The following DGKG variants were observed in gnomAD, a reference collection of about 807,000 sequenced individuals.
DGKG encodes the protein diacylglycerol kinase gamma.
DGKG carries 78 observed loss-of-function variants against 105.3 expected under a neutral mutation model. The observed-to-expected ratio is 0.74, with a 90% CI of 0.62 to 0.89. The LOEUF (loss-of-function observed/expected upper bound fraction) is 0.89. Ranked by LOEUF, DGKG falls within the 40% of genes least tolerant of loss-of-function variation. DGKG has a pLI of 0.00. For synonymous variants in DGKG, 346 were observed against 367.1 expected (o/e 0.94, Z 0.66); for missense variants, 958 against 1,020.1 (o/e 0.94, Z 0.83).
intron 22 of DGKG, among the ~76,000 whole-genome samples, chr3:186,180,812 C>T (rs1441157194): frequency 6.6e-6 from 1 of 152,234 alleles, no homozygotes; most frequent in Non-Finnish European, 1.5e-5. Flanking sequence ...GGCTGAATGG[C>T]ATCCCATTCC....
intron 24 of DGKG, among the ~76,000 whole-genome samples, chr3:186,153,422 TAA>T (rs1310015755): frequency 6.6e-6 from 1 of 152,206 alleles, no homozygotes; most frequent in African/African-American, 2.4e-5. Flanking sequence ...GGCCATTAAC[TAA>T]AGTCTCCATG....
At chr3:186,215,342 C>T (rs975001891) in intron 20 of DGKG, among the ~76,000 whole-genome samples, 7 of 144,688 alleles carry the variant, frequency 4.8e-5, no homozygotes, top group African/African-American at 1.5e-4. Flanking sequence ...ACCCGGGAGG[C>T]GGAGGATGCA....
chr3:186,228,596 C>T (rs921055951), intron 20 of DGKG, among the ~76,000 whole-genome samples: 7 of 152,158 alleles, frequency 4.6e-5, no homozygotes, highest in African/African-American at 9.7e-5. Context: ...TCACTCCACC[C>T]GGGAACCTCC....
intron 22 of DGKG, among the ~76,000 whole-genome samples, chr3:186,184,209 AG>A: frequency 6.6e-6 from 1 of 152,194 alleles, no homozygotes; most frequent in South Asian, 2.1e-4. Flanking sequence ...TTATTATGCC[AG>A]TTTTACAGAT....
chr3:186,240,264 T>A (rs747154581), intron 20 of DGKG, among the ~76,000 whole-genome samples: 2 of 152,186 alleles, frequency 1.3e-5, no homozygotes, highest in African/African-American at 2.4e-5. Context: ...ACGTTTCGTG[T>A]CCTTGGTTTT....
chr3:186,334,743 C>T (rs897066642), intron 1 of DGKG, among the ~76,000 whole-genome samples: 2 of 151,974 alleles, frequency 1.3e-5, no homozygotes, highest in East Asian at 1.9e-4. Flanking sequence ...AACTGAAACA[C>T]GGAGGTTAAG....
At chr3:186,299,852 TG>T (rs1380344250) in intron 3 of DGKG, among the ~76,000 whole-genome samples, 55 of 131,668 alleles carry the variant, frequency 4.2e-4, no homozygotes, top group African/African-American at 9.3e-4. Context: ...TTTTTTTTTT[TG>T]AGATAGAGCC....
intron 14 of DGKG, among the ~76,000 whole-genome samples, chr3:186,262,574 A>T (rs1264064374): frequency 6.6e-6 from 1 of 152,182 alleles, no homozygotes; most frequent in African/African-American, 2.4e-5. Flanking sequence ...AAGACATCTC[A>T]TTATTAAAGG....
intron 20 of DGKG, among the ~76,000 whole-genome samples, chr3:186,235,933 T>C (rs1365063410): frequency 1.3e-5 from 2 of 152,226 alleles, no homozygotes; most frequent in East Asian, 3.9e-4. Context: ...GAATCTGTCC[T>C]GCCACTCTCC....
intron 17 of DGKG, among the ~76,000 whole-genome samples, chr3:186,255,115 C>T (rs1228663686): frequency 1.3e-5 from 2 of 152,228 alleles, no homozygotes; most frequent in African/African-American, 2.4e-5. Context: ...TCTCTTTGTA[C>T]TCTCTTGTAA....
chr3:186,357,929 C>T (rs182815938), intron 1 of DGKG, among the ~76,000 whole-genome samples: 113 of 152,218 alleles, frequency 7.4e-4, no homozygotes, highest in African/African-American at 2.5e-3. Flanking sequence ...CTGGTGTGAC[C>T]GAGGAACTGA....
chr3:186,329,417 T>C (rs1177772117), intron 1 of DGKG, among the ~76,000 whole-genome samples: 1 of 152,204 alleles, frequency 6.6e-6, no homozygotes, highest in Non-Finnish European at 1.5e-5. Flanking sequence ...TCAATGAGTA[T>C]TGAATTGCAC....
At chr3:186,216,932 G>A (rs1719320809) in intron 20 of DGKG, among the ~76,000 whole-genome samples, 1 of 152,134 alleles carries the variant, frequency 6.6e-6, no homozygotes, top group African/African-American at 2.4e-5. Context: ...CACTGGCTGG[G>A]CAAGTTATTT....
intron 20 of DGKG, among the ~76,000 whole-genome samples, chr3:186,239,263 T>G (rs1276394128): frequency 1.3e-5 from 2 of 152,188 alleles, no homozygotes; most frequent in East Asian, 3.9e-4. Flanking sequence ...ACCTCAAGAT[T>G]ATCCCTGAGA....
chr3:186,299,595 CT>C (rs1162090967), intron 3 of DGKG, among the ~76,000 whole-genome samples: 1 of 152,052 alleles, frequency 6.6e-6, no homozygotes, highest in Non-Finnish European at 1.5e-5. Flanking sequence ...CTCTCTGTTC[CT>C]TTTCTGTCCC....
intron 5 of DGKG, 73 bp from the exon 6 acceptor site, chr3:186,288,953 A>C: frequency 7.1e-7 from 1 of 1,418,272 alleles, no homozygotes; most frequent in South Asian, 1.4e-5. Flanking sequence ...TTGTTACCCC[A>C]TCCTTTTCAT....
Position 186,268,925 on chromosome 3 carries a change from A to G in DGKG, c.1000-8T>C. 6.2e-7 allele frequency: 1 copy of G among 1,601,594 alleles called. No homozygotes were observed. The highest frequency in any genetic ancestry group is 8.6e-7 in the Non-Finnish European group (1 of 1,169,122). The stretch of plus-strand genomic sequence containing the variant: ...CCATGCGTGCTGCATCACCTGCGGG[A>G]GGGAAGCGAACGATGCCAGGGAAAA... On this transcript the variant is annotated splice_region_variant and splice_polypyrimidine_tract_variant and intron_variant, in intron 11 of 24. Transcript: ENST00000265022.
chr3:186,324,661 A>G (rs761791918), intron 1 of DGKG, among the ~76,000 whole-genome samples: 6 of 152,212 alleles, frequency 3.9e-5, no homozygotes, highest in Non-Finnish European at 8.8e-5. Flanking sequence ...GTACATCAAA[A>G]CCATGACTAT....
Position 186,149,284 on chromosome 3 carries a change from AAAAT to A in DGKG, c.*802_*805del, listed in dbSNP as rs531975400. ...ACACAATATTATGACACCAATTTGA[AAAAT>A]AAATCCCAGTTTCTCCGCTCTCCCT... On this transcript the variant is annotated 3_prime_UTR_variant, in exon 25 of 25. Transcript: ENST00000265022. 417 of 985,346 alleles carry A rather than the reference AAAAT, an allele frequency of 4.2e-4. 3 individuals carry two copies. Among genetic ancestry groups the A allele is most frequent in the Non-Finnish European group, 2.5e-4 (207 of 829,900 alleles). 61.0% of individuals were successfully genotyped at this position (985,346 alleles called of 1,614,324 possible).
Sources: gnomAD v4.1 joint callset for allele counts (sites outside exome capture counted in the v4.1 genomes callset) on GRCh38, gnomAD v4.1.1 for gene constraint, MANE v1.5 for transcripts, NCBI Gene and HGNC (gene_info 2026-07-23, HGNC 2026-07-21) for gene names.